The following KCNK2 variants were observed in gnomAD, a reference collection of about 807,000 sequenced individuals.
The protein encoded by KCNK2 is potassium two pore domain channel subfamily K member 2.
KCNK2 carries 21 observed loss-of-function variants against 40.5 expected under a neutral mutation model. That is an observed-to-expected ratio of 0.52 (90% CI 0.37 to 0.75). KCNK2 has a LOEUF of 0.75. KCNK2 is among the 30% of genes least tolerant of loss of function. The pLI is 0.00. For missense variants in KCNK2, 399 were observed against 531.6 expected (o/e 0.75, Z 2.45); for synonymous variants, 191 against 202.2 (o/e 0.94, Z 0.47).
intron 3 of KCNK2, among the ~76,000 whole-genome samples, chr1:215,166,074 A>C (rs1663431625): frequency 6.6e-6 from 1 of 152,178 alleles, no homozygotes. Flanking sequence ...AACATCTTAA[A>C]AGATTTCAGT....
intron 5 of KCNK2, among the ~76,000 whole-genome samples, chr1:215,182,495 C>T (rs566124608): frequency 1.6e-4 from 25 of 152,202 alleles, no homozygotes; most frequent in Middle Eastern, 3.4e-3. Flanking sequence ...CACTCAGTAA[C>T]GACACATACA....
At chr1:215,008,379 G>A (rs904561570) in intron 1 of KCNK2, among the ~76,000 whole-genome samples, 3 of 151,996 alleles carry the variant, frequency 2.0e-5, no homozygotes, top group Non-Finnish European at 4.4e-5. Context: ...TGCACCAGGA[G>A]GAATGAGTTC....
intron 2 of KCNK2, among the ~76,000 whole-genome samples, chr1:215,117,739 G>A (rs1318031500): frequency 6.6e-6 from 1 of 152,026 alleles, no homozygotes; most frequent in African/African-American, 2.4e-5. Context: ...TTCCTTGTTC[G>A]GTTATTAAGG....
intron 2 of KCNK2, among the ~76,000 whole-genome samples, chr1:215,101,733 T>C (rs866400569): frequency 6.6e-6 from 1 of 152,094 alleles, no homozygotes; most frequent in South Asian, 2.1e-4. Flanking sequence ...AATTAGATTA[T>C]AATGGAGCTA....
chr1:215,144,499 C>T (rs372085322), intron 3 of KCNK2, among the ~76,000 whole-genome samples: 10 of 152,224 alleles, frequency 6.6e-5, no homozygotes, highest in South Asian at 2.1e-4. Flanking sequence ...AGTCAAGGCA[C>T]GGCTCGTTCC....
intron 2 of KCNK2, among the ~76,000 whole-genome samples, chr1:215,110,810 T>G (rs979909864): frequency 6.6e-6 from 1 of 152,154 alleles, no homozygotes; most frequent in East Asian, 1.9e-4. Context: ...ACACATTTGT[T>G]ACAATTCATG....
intron 2 of KCNK2, among the ~76,000 whole-genome samples, chr1:215,091,256 T>C (rs1225300870): frequency 6.6e-6 from 1 of 152,104 alleles, no homozygotes; most frequent in Non-Finnish European, 1.5e-5. Context: ...CATGGTATGC[T>C]CCAGTAACTG....
intron 1 of KCNK2, among the ~76,000 whole-genome samples, chr1:215,021,926 A>T (rs1205889489): frequency 6.6e-6 from 1 of 152,056 alleles, no homozygotes; most frequent in Non-Finnish European, 1.5e-5. Context: ...TACCAGCAGT[A>T]CTCAGTTTCT....
chr1:215,094,769 A>C (rs992534607), intron 2 of KCNK2, among the ~76,000 whole-genome samples: 6 of 152,124 alleles, frequency 3.9e-5, no homozygotes, highest in African/African-American at 1.4e-4. Context: ...TATTGGATAC[A>C]AAATGAGAAA....
chr1:215,036,132 TG>T (rs909842941), intron 1 of KCNK2, among the ~76,000 whole-genome samples: 6 of 108,566 alleles, frequency 5.5e-5, no homozygotes, highest in African/African-American at 1.6e-4. Context: ...TGCTCTCATG[TG>T]TTTTTTTTTT....
chr1:215,213,630 C>T (rs1340026249), intron 6 of KCNK2, among the ~76,000 whole-genome samples: 14 of 151,842 alleles, frequency 9.2e-5, no homozygotes, highest in Admixed American at 9.2e-4. Flanking sequence ...AGAAGTTATC[C>T]TAATTTTACT....
intron 3 of KCNK2, among the ~76,000 whole-genome samples, chr1:215,125,660 C>G (rs1661388608): frequency 6.6e-6 from 1 of 150,494 alleles, no homozygotes; most frequent in South Asian, 2.1e-4. Context: ...ATGGGTGCAG[C>G]ACACCAACAT....
chr1:215,073,611 A>AT (rs375028643), intron 1 of KCNK2, among the ~76,000 whole-genome samples: 82 of 152,306 alleles, frequency 5.4e-4, no homozygotes, highest in African/African-American at 1.9e-3. Context: ...ACATTCAAGA[A>AT]ACTGGAATCC....
Position 215,236,638 on chromosome 1 carries a change from ACC to A in KCNK2, c.*1495_*1496del, listed in dbSNP as rs1008984095. On this transcript the variant is annotated 3_prime_UTR_variant, in exon 7 of 7. Transcript: ENST00000444842. Reference sequence around the variant, plus strand: ...CAGTAAATGCACCCCGTAAATTGCTACCCTTTCCTTTATTTTCATACTTAGAT... The same window carrying A: ...CAGTAAATGCACCCCGTAAATTGCTACTTTCCTTTATTTTCATACTTAGAT... The A allele has an allele frequency of 4.6e-5, 7 of 152,576 alleles. No homozygotes were observed. The highest frequency in any genetic ancestry group is 1.0e-4 in the Non-Finnish European group (7 of 68,018). 9.5% of individuals were successfully genotyped at this position (152,576 alleles called of 1,614,324 possible).
chr1:215,036,411 A>G (rs1055753602), intron 1 of KCNK2, among the ~76,000 whole-genome samples: 7 of 151,992 alleles, frequency 4.6e-5, no homozygotes, highest in Non-Finnish European at 8.8e-5. Context: ...CTATCTTTAC[A>G]TCAGCATGGC....
chr1:215,208,079 C>T (rs1460938818), intron 6 of KCNK2, among the ~76,000 whole-genome samples: 2 of 152,144 alleles, frequency 1.3e-5, no homozygotes, highest in African/African-American at 4.8e-5. Flanking sequence ...AGTGAATGTT[C>T]ACTGCAACAC....
intron 2 of KCNK2, among the ~76,000 whole-genome samples, chr1:215,088,911 C>A (rs1659574892): frequency 1.3e-5 from 2 of 152,094 alleles, no homozygotes; most frequent in African/African-American, 4.8e-5. Context: ...TTTTTCAGTG[C>A]AGAAATTACC....
intron 5 of KCNK2, among the ~76,000 whole-genome samples, chr1:215,181,305 T>C (rs1351769858): frequency 2.0e-5 from 3 of 152,164 alleles, no homozygotes; most frequent in Non-Finnish European, 2.9e-5. Flanking sequence ...GTACTGGCTT[T>C]TGTTAAGCTT....
intron 1 of KCNK2, among the ~76,000 whole-genome samples, chr1:215,011,084 G>A (rs1656368970): frequency 6.6e-6 from 1 of 151,354 alleles, no homozygotes; most frequent in Admixed American, 6.6e-5. Context: ...AGTTCTATGA[G>A]TTTTGATACA....
Sources: allele counts gnomAD v4.1 joint callset (sites outside exome capture counted in the v4.1 genomes callset), GRCh38; gene constraint gnomAD v4.1.1; transcripts MANE v1.5; gene names NCBI Gene and HGNC (gene_info 2026-07-23, HGNC 2026-07-21).